The following KDM4B variants were observed in gnomAD, a reference collection of about 807,000 sequenced individuals.
KDM4B encodes the protein lysine-specific demethylase 4B.
In KDM4B, 32 loss-of-function variants were observed where a neutral mutation model predicts 125.2. The ratio of observed to expected loss-of-function variants is 0.26; its 90% CI spans 0.19 to 0.34. The LOEUF (loss-of-function observed/expected upper bound fraction) is 0.34. Ranked by LOEUF, KDM4B falls within the 10% of genes least tolerant of loss-of-function variation. The pLI is 1.00. For missense variants in KDM4B, 1,190 were observed against 1,577.7 expected (o/e 0.75, Z 4.16); for synonymous variants, 721 against 677.9 (o/e 1.06, Z -0.99).
At chr19:5,125,846 G>A (rs965463880) in intron 11 of KDM4B, among the ~76,000 whole-genome samples, 7 of 149,542 alleles carry the variant, frequency 4.7e-5, no homozygotes, top group African/African-American at 1.7e-4. Context: ...ACCCAATCTG[G>A]CAGGGGTGGG....
At chr19:5,028,237 A>C (rs749681578) in intron 2 of KDM4B, among the ~76,000 whole-genome samples, 1 of 152,098 alleles carries the variant, frequency 6.6e-6, no homozygotes, top group East Asian at 1.9e-4. Flanking sequence ...TCAGCCCCCC[A>C]GAGTTCTGGG....
At chr19:5,145,842 C>G (rs1244576506) in intron 21 of KDM4B, among the ~76,000 whole-genome samples, 3 of 152,182 alleles carry the variant, frequency 2.0e-5, no homozygotes, top group African/African-American at 7.2e-5. Context: ...ACGTCCTGGC[C>G]TTAGCTCGCA....
At position 5,137,305 on chromosome 19, in the gene KDM4B, G is replaced by A. The variant is rs777711166; in HGVS notation, c.2352G>A (p.Thr784=). ...CCGAGCTGGTCAATGAAGGCTGGACGTGTTCCCGGTGCGCGGCCCACGCCT... is the reference window on the plus strand; with the variant it reads ...CCGAGCTGGTCAATGAAGGCTGGACATGTTCCCGGTGCGCGGCCCACGCCT... ...IRPELVNEGW[T]CSRCAAHAWT... is the part of the protein sequence containing the mutation. The change falls in exon 16 of 23, where the codon ACG becomes ACA. Residue 784 remains threonine (T), a synonymous_variant. Transcript: ENST00000159111. 57 of 1,580,170 alleles carry A rather than the reference G, an allele frequency of 3.6e-5. 1 individual carries two copies. The highest frequency in any genetic ancestry group is 1.4e-4 in the East Asian group (6 of 43,380).
chr19:5,023,862 C>T (rs1257398919), intron 2 of KDM4B, among the ~76,000 whole-genome samples: 3 of 142,322 alleles, frequency 2.1e-5, no homozygotes, highest in Non-Finnish European at 3.0e-5. Context: ...CTCCTGTGCT[C>T]AAGGAATCCT....
chr19:5,096,446 C>T (rs2038824665), intron 9 of KDM4B, among the ~76,000 whole-genome samples: 1 of 152,090 alleles, frequency 6.6e-6, no homozygotes, highest in African/African-American at 2.4e-5. Context: ...GGAGTGGTGT[C>T]ACCTTGGATG....
At chr19:5,050,403 T>A (rs1452800046) in intron 6 of KDM4B, among the ~76,000 whole-genome samples, 2 of 152,226 alleles carry the variant, frequency 1.3e-5, no homozygotes, top group Non-Finnish European at 2.9e-5. Context: ...CACCTGCAAC[T>A]TCCCCCCGCC....
At chr19:5,025,346 G>A (rs1445451095) in intron 2 of KDM4B, among the ~76,000 whole-genome samples, 1 of 152,242 alleles carries the variant, frequency 6.6e-6, no homozygotes, top group Non-Finnish European at 1.5e-5. Context: ...TGGACCGTAT[G>A]TGAAATGAAC....
At chr19:5,032,734 G>A (rs996239454) in intron 2 of KDM4B, 132 bp from the exon 3 acceptor site, 14 of 773,476 alleles carry the variant, frequency 1.8e-5, no homozygotes, top group South Asian at 5.6e-5. Context: ...TCACTCAGCC[G>A]CGAGGGCCCA....
chr19:4,995,282 CA>C (rs965284848), intron 1 of KDM4B, among the ~76,000 whole-genome samples: 4 of 152,018 alleles, frequency 2.6e-5, no homozygotes, highest in African/African-American at 7.2e-5. Context: ...CACAAGACTC[CA>C]AATCTGTGTC....
At chr19:5,146,130 C>T (rs527784994) in intron 21 of KDM4B, among the ~76,000 whole-genome samples, 9 of 149,976 alleles carry the variant, frequency 6.0e-5, no homozygotes, top group East Asian at 3.9e-4. Context: ...AGGCCGACCC[C>T]GCCCAGTCAC....
At chr19:5,116,982 C>A (rs1011583088) in intron 10 of KDM4B, among the ~76,000 whole-genome samples, 1 of 152,154 alleles carries the variant, frequency 6.6e-6, no homozygotes, top group Non-Finnish European at 1.5e-5. Context: ...CAGGAAGAGG[C>A]GTGCTCTTAG....
chr19:5,025,201 G>A (rs1297685086), intron 2 of KDM4B, among the ~76,000 whole-genome samples: 1 of 152,196 alleles, frequency 6.6e-6, no homozygotes, highest in African/African-American at 2.4e-5. Flanking sequence ...AAACCTAGGG[G>A]TGGGGCGTGG....
chr19:4,994,423 C>CCGAGT (rs1220261410), intron 1 of KDM4B, among the ~76,000 whole-genome samples: 2 of 151,764 alleles, frequency 1.3e-5, no homozygotes. Flanking sequence ...AATACACATG[C>CCGAGT]GTGGTGGCGC....
intron 7 of KDM4B, among the ~76,000 whole-genome samples, chr19:5,073,886 G>T (rs530653400): frequency 6.6e-6 from 1 of 152,184 alleles, no homozygotes; most frequent in South Asian, 2.1e-4. Context: ...AGAGGCTGAC[G>T]TCAGAGGATT....
intron 6 of KDM4B, among the ~76,000 whole-genome samples, chr19:5,067,372 G>T (rs764451687): frequency 1.3e-5 from 2 of 152,190 alleles, no homozygotes; most frequent in African/African-American, 2.4e-5. Flanking sequence ...ATCCCTGTGC[G>T]CTGGGCCGCA....
At chr19:5,015,794 A>G (rs1161950898) in intron 1 of KDM4B, among the ~76,000 whole-genome samples, 1 of 152,238 alleles carries the variant, frequency 6.6e-6, no homozygotes, top group African/African-American at 2.4e-5. Context: ...ACTAAGTTCA[A>G]CGCCTGGGCT....
At chr19:5,101,556 C>G (rs553673464) in intron 9 of KDM4B, among the ~76,000 whole-genome samples, 1 of 152,058 alleles carries the variant, frequency 6.6e-6, no homozygotes, top group South Asian at 2.1e-4. Context: ...ACCCCAAAAC[C>G]CAAAAAACCC....
chr19:5,063,994 G>A (rs971246883), intron 6 of KDM4B, among the ~76,000 whole-genome samples: 7 of 152,212 alleles, frequency 4.6e-5, no homozygotes, highest in African/African-American at 1.4e-4. Context: ...CTCGCAGGAA[G>A]CCCACCCTGT....
intron 9 of KDM4B, among the ~76,000 whole-genome samples, chr19:5,104,882 G>T (rs2039005411): frequency 6.6e-6 from 1 of 152,166 alleles, no homozygotes; most frequent in African/African-American, 2.4e-5. Context: ...GACCTGAATT[G>T]CTGTTTTCTC....
Sources: allele counts gnomAD v4.1 joint callset (sites outside exome capture counted in the v4.1 genomes callset), GRCh38; gene constraint gnomAD v4.1.1; transcripts MANE v1.5; gene names NCBI Gene and HGNC (gene_info 2026-07-23, HGNC 2026-07-21).